Variants in SEC31B observed in about 807,000 individuals in gnomAD.
SEC31B encodes the protein SEC31 homolog B, COPII component, also known as protein transport protein Sec31B.
Under a neutral mutation model 135.0 loss-of-function variants are expected in SEC31B, and 113 were observed. The ratio of observed to expected loss-of-function variants is 0.84; its 90% CI spans 0.72 to 0.98. The LOEUF (loss-of-function observed/expected upper bound fraction) is 0.98, where lower values mean the gene tolerates loss of function less well. Ranked by LOEUF, SEC31B falls within the 50% of genes least tolerant of loss-of-function variation. The pLI, the probability that SEC31B is intolerant of heterozygous loss-of-function variation, is 0.00. For synonymous variants in SEC31B, 508 were observed against 549.4 expected (o/e 0.92, Z 1.05); for missense variants, 1,296 against 1,421.1 (o/e 0.91, Z 1.42).
At chr10:100,515,042 A>T (rs1851803407) in intron 3 of SEC31B, among the ~76,000 whole-genome samples, 1 of 151,544 alleles carries the variant, frequency 6.6e-6, no homozygotes, top group Non-Finnish European at 1.5e-5. Context: ...CTATAGTCCC[A>T]GCACTTTGGG....
Position 100,499,741 on chromosome 10 carries a change from T to G in SEC31B, c.1411-143A>C, listed in dbSNP as rs193057384. 2.5e-5 allele frequency: 16 copies of G among 627,474 alleles called. 1 individual carries two copies. The African/African-American group carries it at 2.6e-4, about 10-fold the overall frequency. 38.9% of individuals were successfully genotyped at this position (627,474 alleles called of 1,614,324 possible). On this transcript the variant is annotated intron_variant, in intron 11 of 25. Coordinates refer to ENST00000370345, the MANE Select transcript of SEC31B (RefSeq NM_015490.4). Reference sequence around the variant, plus strand: ...GTGCCCTCAGCAGTCCAATGCCATCTCTTTTTCCTCCCTGGATCTGACTTA... The same window carrying G: ...GTGCCCTCAGCAGTCCAATGCCATCGCTTTTTCCTCCCTGGATCTGACTTA...
chr10:100,508,314 T>TA, intron 5 of SEC31B: 2 of 552,768 alleles, frequency 3.6e-6, no homozygotes, highest in East Asian at 3.5e-5. Context: ...GTCAAGATTT[T>TA]AAAAAACAGC....
chr10:100,502,491 AG>A lies in SEC31B; in HGVS notation c.1180-8del. The A allele has an allele frequency of 6.2e-7, 1 of 1,600,250 alleles. No individual in the cohort carries two copies. The highest frequency in any genetic ancestry group is 8.6e-7 in the Non-Finnish European group (1 of 1,169,588). On this transcript the variant is annotated splice_polypyrimidine_tract_variant and splice_region_variant and intron_variant, in intron 10 of 25. Transcript: ENST00000370345. ...TAACCAGCTTCCCTCCAAACTGGTG[AG>A]GAAAAGCAAGAAGGGTAAAGGTTAT...
At chr10:100,504,112 T>C (rs1052873103) in intron 10 of SEC31B, among the ~76,000 whole-genome samples, 5 of 152,250 alleles carry the variant, frequency 3.3e-5, no homozygotes, top group South Asian at 2.1e-4. Flanking sequence ...CTATCCCTGT[T>C]TTACCGATAA....
chr10:100,494,527 C>T (rs1851366513), intron 19 of SEC31B, among the ~76,000 whole-genome samples: 1 of 152,220 alleles, frequency 6.6e-6, no homozygotes, highest in Admixed American at 6.5e-5. Flanking sequence ...TTCACAGCCA[C>T]AAACACCTGT....
intron 17 of SEC31B, among the ~76,000 whole-genome samples, 155 bp from the exon 18 acceptor site, chr10:100,496,586 G>C (rs1461571853): frequency 6.6e-6 from 1 of 152,238 alleles, no homozygotes; most frequent in Non-Finnish European, 1.5e-5. Context: ...CGTAAGAACT[G>C]TGACAGAGAA....
chr10:100,509,118 G>A lies in SEC31B; in HGVS notation c.400-16C>T, dbSNP rs1183450682. On this transcript the variant is annotated splice_polypyrimidine_tract_variant and intron_variant, in intron 4 of 25. Transcript: ENST00000370345. Reference sequence around the variant, plus strand: ...GGAGGTTGCCCTGTATGAATAAAAAGTGTTTGGAGACATACCACCCTAGGA... The same window carrying A: ...GGAGGTTGCCCTGTATGAATAAAAAATGTTTGGAGACATACCACCCTAGGA... 4.3e-6 allele frequency: 7 copies of A among 1,609,552 alleles called. No homozygotes were observed. Among genetic ancestry groups the A allele is most frequent in the Admixed American group, 1.7e-5 (1 of 59,994 alleles).
At position 100,495,439 on chromosome 10, in the gene SEC31B, G is replaced by A. The variant is rs1257961976; in HGVS notation, c.2418C>T (p.Thr806=). ...AAGATGATGTCTCTTTAGAGTGGAG[G>A]GTAGCTCCCACAACAATCCGGGGGA... ...FPFPRIVVGA[T]LHSKETSSYR... The change falls in exon 19 of 26, where the codon ACC becomes ACT. Residue 806 remains threonine (T), a synonymous_variant. Transcript: ENST00000370345. The A allele has an allele frequency of 3.1e-6, 5 of 1,614,036 alleles. No individual in the cohort carries two copies. The South Asian group carries it at 5.5e-5, about 18-fold the overall frequency.
intron 1 of SEC31B, among the ~76,000 whole-genome samples, chr10:100,519,291 G>A (rs1225444511): frequency 6.6e-6 from 1 of 152,260 alleles, no homozygotes; most frequent in Non-Finnish European, 1.5e-5. Context: ...ATTGGCCATG[G>A]GGGCGTGAGG....
At chr10:100,492,761 C>T (rs892354237) in intron 19 of SEC31B, among the ~76,000 whole-genome samples, 4 of 152,168 alleles carry the variant, frequency 2.6e-5, no homozygotes, top group African/African-American at 9.7e-5. Flanking sequence ...TTTCTATATA[C>T]TCACAATGAA....
rs201580903 is a variant in SEC31B, at chr10:100,509,075, C to G, written c.427G>C (p.Asp143His). Residue 143 changes from aspartate (D) to histidine (H), a missense_variant, in exon 5 of 26, where the codon GAT (aspartate) becomes CAT (histidine). By Grantham distance (81) the Asp-to-His change is moderately conservative. Transcript: ENST00000370345. ...QGNLLASGAS[D>H]SEIFIWDLNN... ...AGATCCCAAATGAAGATTTCAGAAT[C>G]GCTGGCCCCTGAAGCCAGGAGGTTG... 4 of 1,614,006 alleles carry G rather than the reference C, an allele frequency of 2.5e-6. No individual in the cohort carries two copies. The highest frequency in any genetic ancestry group is 3.4e-6 in the Non-Finnish European group (4 of 1,180,032).
At chr10:100,506,001 G>A (rs1851622699) in intron 9 of SEC31B, 39 bp downstream of exon 9, 1 of 1,611,020 alleles carries the variant, frequency 6.2e-7, no homozygotes, top group Admixed American at 1.7e-5. Context: ...AACAGAGACA[G>A]CCCCTTCCCT....
chr10:100,497,800 T>C lies in SEC31B; in HGVS notation c.1864-7A>G, dbSNP rs1851441003. 12 of 1,614,168 alleles carry C rather than the reference T, an allele frequency of 7.4e-6. No homozygotes were observed. Among genetic ancestry groups the C allele is most frequent in the Non-Finnish European group, 1.0e-5 (12 of 1,180,028 alleles). ...GCACAACACAGGCTAGAAGCTGTAA[T>C]GGGCAGAGAGGGAAAGAGACCATCA... On this transcript the variant is annotated splice_region_variant and splice_polypyrimidine_tract_variant and intron_variant, in intron 15 of 25. Transcript: ENST00000370345.
chr10:100,489,095 G>A, intron 23 of SEC31B, 121 bp from the exon 24 acceptor site: 2 of 1,472,168 alleles, frequency 1.4e-6, no homozygotes, highest in Non-Finnish European at 9.0e-7. Context: ...GAGTTGGGGA[G>A]ATGAGCAGCC....
chr10:100,501,089 TA>T (rs79921973), intron 11 of SEC31B, among the ~76,000 whole-genome samples: 33,870 of 148,908 alleles, frequency 0.23, 3,971 homozygotes, highest in African/African-American at 0.27. Flanking sequence ...ACCCTGTCTC[TA>T]AAAAAAAATA....
chr10:100,506,208 T>C lies in SEC31B; in HGVS notation c.883-7A>G, dbSNP rs760474953. 7 of 1,614,048 alleles carry C rather than the reference T, an allele frequency of 4.3e-6. No individual in the cohort carries two copies. The highest frequency in any genetic ancestry group is 5.9e-6 in the Non-Finnish European group (7 of 1,180,042). On this transcript the variant is annotated splice_region_variant and splice_polypyrimidine_tract_variant and intron_variant, in intron 8 of 25. Transcript: ENST00000370345. ...TTGGTAGCTTATATACCACCTAATA[T>C]GAGGGAACACACCATTAGGGACAGT...
intron 3 of SEC31B, among the ~76,000 whole-genome samples, chr10:100,512,714 G>A (rs1851757451): frequency 6.6e-6 from 1 of 152,176 alleles, no homozygotes; most frequent in Admixed American, 6.5e-5. Context: ...TGCATGTTTA[G>A]TTGATAAAAA....
Position 100,507,530 on chromosome 10 carries a change from G to T in SEC31B, c.677C>A (p.Ala226Asp). 1.2e-6 allele frequency: 2 copies of T among 1,614,184 alleles called. No homozygotes were observed. Among genetic ancestry groups the T allele is most frequent in the African/African-American group, 1.3e-5 (1 of 75,048 alleles). ...CTCTGAGCACAGCACTAACTGGGTG[G>T]CTATGTCAGGATGCCAGGCCAGGCC... ...CSGLAWHPDI[A>D]TQLVLCSEDD... is the part of the protein sequence containing the mutation. The change falls in exon 7 of 26, where the codon GCC becomes GAC. Residue 226 changes from alanine (A) to aspartate (D), a missense_variant. Transcript: ENST00000370345.
Position 100,509,496 on chromosome 10 carries a change from G to T in SEC31B, c.219C>A (p.Val73=). 6.2e-7 allele frequency: 1 copy of T among 1,612,436 alleles called. No individual in the cohort carries two copies. Among genetic ancestry groups the T allele is most frequent in the Non-Finnish European group, 8.5e-7 (1 of 1,179,032 alleles). Residue 73 remains valine, a synonymous_variant, in exon 4 of 26, where the codon GTC becomes GTA. Coordinates refer to ENST00000370345, the MANE Select transcript of SEC31B (RefSeq NM_015490.4). The part of the protein sequence containing the change: ...LSALSRFHKL[V]WGSFGSGLLE... ...GAAGCCCACTGCCAAAGCTCCCCCA[G>T]ACCAGCTTGTGAAACCTATAAAGAG...
Sources: gnomAD v4.1 joint callset for allele counts (sites outside exome capture counted in the v4.1 genomes callset) on GRCh38, gnomAD v4.1.1 for gene constraint, MANE v1.5 for transcripts, NCBI Gene and HGNC (gene_info 2026-07-23, HGNC 2026-07-21) for gene names.